The following FMN2 variants were observed in gnomAD, a reference collection of about 807,000 sequenced individuals.
The protein encoded by FMN2 is formin 2.
FMN2 carries 51 observed loss-of-function variants against 142.3 expected under a neutral mutation model. The observed-to-expected ratio is 0.36, with a 90% CI of 0.29 to 0.45. The LOEUF is 0.45. FMN2 is among the 20% of genes least tolerant of loss of function. FMN2 has a pLI of 1.00. For missense variants in FMN2, 1,936 were observed against 2,122.8 expected (o/e 0.91, Z 1.73); for synonymous variants, 882 against 869.8 (o/e 1.01, Z -0.25).
In FMN2 at chr1:240,092,550, TG is replaced by T. The variant is rs760886547; in HGVS notation, c.444del (p.Pro149LeufsTer303). On this transcript the variant is annotated frameshift_variant, in exon 1 of 18. Coordinates refer to ENST00000319653, the MANE Select transcript of FMN2 (RefSeq NM_020066.5). LOFTEE classifies it high-confidence loss of function. ...PFEVTGPGGP[G>X]PAEARVGGRP... The stretch of plus-strand genomic sequence containing the variant: ...TTGAGGTGACCGGTCCAGGGGGTCC[TG>T]GGCCTGCCGAGGCTAGGGTCGGGGG... 1 of 1,612,354 alleles carries T rather than the reference TG, an allele frequency of 6.2e-7. No individual in the cohort carries two copies. Among genetic ancestry groups the T allele is most frequent in the Admixed American group, 1.7e-5 (1 of 59,824 alleles).
intron 15 of FMN2, among the ~76,000 whole-genome samples, chr1:240,403,920 G>T (rs528808643): frequency 3.6e-4 from 55 of 151,980 alleles, no homozygotes; most frequent in Non-Finnish European, 7.2e-4. Context: ...AGTAATAAAA[G>T]GCAAGAAATT....
At chr1:240,347,964 G>A (rs1671964927) in intron 13 of FMN2, among the ~76,000 whole-genome samples, 1 of 152,120 alleles carries the variant, frequency 6.6e-6, no homozygotes, top group Non-Finnish European at 1.5e-5. Context: ...CACCCTGGTT[G>A]CTTCCATGTT....
intron 2 of FMN2, among the ~76,000 whole-genome samples, chr1:240,163,339 C>T (rs1371589664): frequency 1.3e-5 from 2 of 152,098 alleles, no homozygotes; most frequent in Non-Finnish European, 2.9e-5. Context: ...ATGTGTTTTT[C>T]CTTAGAGCTC....
At chr1:240,129,955 T>C (rs1439481541) in intron 2 of FMN2, among the ~76,000 whole-genome samples, 1 of 152,204 alleles carries the variant, frequency 6.6e-6, no homozygotes, top group African/African-American at 2.4e-5. Flanking sequence ...TTAAATAATA[T>C]GCTTATGATT....
chr1:240,416,284 G>A (rs576387962), intron 15 of FMN2, among the ~76,000 whole-genome samples: 9 of 125,332 alleles, frequency 7.2e-5, no homozygotes, highest in Admixed American at 2.7e-4. Flanking sequence ...TTTTTGAGAC[G>A]GAGTCTTGCT....
chr1:240,261,021 C>CT (rs1668607863), intron 7 of FMN2, among the ~76,000 whole-genome samples: 1 of 152,094 alleles, frequency 6.6e-6, no homozygotes, highest in Non-Finnish European at 1.5e-5. Context: ...CCCTTCCTCA[C>CT]TTTATGTTTT....
At chr1:240,227,015 A>G (rs1365085010) in intron 6 of FMN2, among the ~76,000 whole-genome samples, 1 of 152,224 alleles carries the variant, frequency 6.6e-6, no homozygotes, top group Non-Finnish European at 1.5e-5. Context: ...AGGCAAGGGA[A>G]AGAAATAAAT....
chr1:240,338,771 G>A (rs752184678), intron 13 of FMN2, among the ~76,000 whole-genome samples: 7 of 152,102 alleles, frequency 4.6e-5, no homozygotes, highest in Non-Finnish European at 8.8e-5. Flanking sequence ...AGGATGATTC[G>A]AGGGCATTAC....
At chr1:240,116,092 A>G (rs1662010784) in intron 1 of FMN2, among the ~76,000 whole-genome samples, 1 of 152,228 alleles carries the variant, frequency 6.6e-6, no homozygotes, top group Non-Finnish European at 1.5e-5. Flanking sequence ...AGCAGTGAGG[A>G]CAACCAGAGG....
chr1:240,328,983 T>G, intron 8 of FMN2, 93 bp from the exon 9 acceptor site: 1 of 1,094,820 alleles, frequency 9.1e-7, no homozygotes, highest in Non-Finnish European at 1.3e-6. Context: ...TTCGCTGTAT[T>G]CAGATCAGCA....
At position 240,226,777 on chromosome 1, in the gene FMN2, A is replaced by T. The variant is rs577437685; in HGVS notation, c.4065+15542A>T. 2.6e-5 allele frequency among the ~76,000 whole-genome samples: 4 copies of T among 151,906 alleles called. No individual in the cohort carries two copies. In the South Asian group the frequency reaches 8.3e-4, roughly 32 times the overall value. On this transcript the variant is annotated intron_variant, in intron 6 of 17. Coordinates refer to ENST00000319653, the MANE Select transcript of FMN2 (RefSeq NM_020066.5). The stretch of plus-strand genomic sequence containing the variant: ...CCGTGAACATCTCAATAGCTGTAGA[A>T]TCCGCAGTTACCAAATCGTATACAC...
chr1:240,217,806 TAAAAAA>T (rs750790173), intron 6 of FMN2, among the ~76,000 whole-genome samples: 6 of 142,798 alleles, frequency 4.2e-5, no homozygotes, highest in African/African-American at 1.5e-4. Context: ...TGGCTAAAAA[TAAAAAA>T]AAAAACACGA....
chr1:240,310,539 A>G (rs948038415), intron 8 of FMN2, among the ~76,000 whole-genome samples: 2 of 152,220 alleles, frequency 1.3e-5, no homozygotes, highest in African/African-American at 2.4e-5. Context: ...TAGAGAAACC[A>G]CATAGTTACT....
intron 16 of FMN2, among the ~76,000 whole-genome samples, chr1:240,467,572 T>G (rs972449969): frequency 4.6e-5 from 7 of 152,176 alleles, no homozygotes; most frequent in African/African-American, 9.7e-5. Flanking sequence ...GGCCTTCCAT[T>G]TCTTTAAGAG....
At chr1:240,327,423 A>G (rs1006902846) in intron 8 of FMN2, among the ~76,000 whole-genome samples, 1 of 152,180 alleles carries the variant, frequency 6.6e-6, no homozygotes, top group African/African-American at 2.4e-5. Flanking sequence ...GGTAGTATCT[A>G]TCAATTCTCT....
At chr1:240,107,627 A>G (rs1042908334) in intron 1 of FMN2, among the ~76,000 whole-genome samples, 1 of 152,168 alleles carries the variant, frequency 6.6e-6, no homozygotes, top group African/African-American at 2.4e-5. Flanking sequence ...AGTTATCATC[A>G]TATGTGTTCT....
intron 7 of FMN2, among the ~76,000 whole-genome samples, chr1:240,292,649 A>G (rs550388220): frequency 2.0e-5 from 3 of 152,332 alleles, no homozygotes; most frequent in South Asian, 4.1e-4. Context: ...GAAGGGAGAA[A>G]TGGAAGATGC....
intron 1 of FMN2, among the ~76,000 whole-genome samples, chr1:240,106,914 C>T (rs1661636265): frequency 6.6e-6 from 1 of 151,716 alleles, no homozygotes; most frequent in Non-Finnish European, 1.5e-5. Flanking sequence ...TAACTCCTGA[C>T]CTAAGGTGAT....
rs1251082170 is a variant in FMN2 at position 240,230,957 on chromosome 1, A to G, written c.4065+19722A>G. Among the ~76,000 whole-genome samples, 2 of 132,064 alleles carry G rather than the reference A, an allele frequency of 1.5e-5. 1 individual carries two copies. Among genetic ancestry groups the G allele is most frequent in the African/African-American group, 6.5e-5 (2 of 30,918 alleles). The allele number at this position is 132,064 out of a possible 152,430, so 86.6% of individuals were successfully genotyped here. On this transcript the variant is annotated intron_variant, in intron 6 of 17. Coordinates refer to ENST00000319653, the MANE Select transcript of FMN2 (RefSeq NM_020066.5). ...GGCCTAGATCGGCACAAGGCTCCAT[A>G]GAAATTGGCTTTGAGTTGGTCTCCA...
Sources: gnomAD v4.1 joint callset for allele counts (sites outside exome capture counted in the v4.1 genomes callset) on GRCh38, gnomAD v4.1.1 for gene constraint, MANE v1.5 for transcripts, NCBI Gene and HGNC (gene_info 2026-07-23, HGNC 2026-07-21) for gene names.